The following PLA2G4C variants were observed in gnomAD, a reference collection of about 807,000 sequenced individuals.
PLA2G4C encodes phospholipase A2 group IVC.
PLA2G4C carries 64 observed loss-of-function variants against 73.8 expected under a neutral mutation model. The observed-to-expected ratio is 0.87, with a 90% CI of 0.71 to 1.07. The LOEUF (loss-of-function observed/expected upper bound fraction) is 1.07, where lower values mean the gene tolerates loss of function less well. Among genes scored for constraint, PLA2G4C ranks in the 50% least tolerant of loss-of-function variants. The pLI, the probability that PLA2G4C is intolerant of heterozygous loss-of-function variation, is 0.00. For missense variants in PLA2G4C, 622 were observed against 665.4 expected, an observed-to-expected ratio of 0.93 and a Z score of 0.72; for synonymous variants, 254 against 252.1, an observed-to-expected ratio of 1.01 and a Z score of -0.07.
At position 48,072,108 on chromosome 19, in the gene PLA2G4C, C is replaced by T. The variant is rs1351817920; in HGVS notation, c.1006+2659G>A. 4.6e-5 allele frequency among the ~76,000 whole-genome samples: 7 copies of T among 151,842 alleles called. No homozygotes were observed. Among genetic ancestry groups the T allele is most frequent in the East Asian group, 3.9e-4 (2 of 5,162 alleles). On this transcript the variant is annotated intron_variant, in intron 12 of 16. Coordinates refer to ENST00000599921, the MANE Select transcript of PLA2G4C (RefSeq NM_003706.3). The surrounding 1 kb of genome is among the most constrained non-coding windows in gnomAD (Gnocchi z 4.4). Reference sequence around the variant, plus strand: ...TTGCAGTGAGCCAAGATTGCACCACCGCACTCCAGCTTGGGTGACAGAGCG... The same window carrying T: ...TTGCAGTGAGCCAAGATTGCACCACTGCACTCCAGCTTGGGTGACAGAGCG...
intron 16 of PLA2G4C, chr19:48,051,956 T>A (rs1049019415): frequency 1.3e-5 from 2 of 149,384 alleles, no homozygotes; most frequent in African/African-American, 5.0e-5. Context: ...CATAGCTCAC[T>A]GCAGCCTCAA....
At chr19:48,085,573 A>G (rs2030924880) in intron 9 of PLA2G4C, among the ~76,000 whole-genome samples, 3 of 152,192 alleles carry the variant, frequency 2.0e-5, no homozygotes, top group African/African-American at 7.2e-5. Flanking sequence ...GATTAGAGGC[A>G]TTGCTGGCAT....
In PLA2G4C at chr19:48,074,772, C is replaced by T; in HGVS notation, c.1001G>A (p.Arg334Lys). ...TATCACACTACACATGGTACCTTTC[C>T]TTTCGGGGTCCTCATGGGGCTGCTC... The part of the protein sequence containing the change: ...KQEQPHEDPE[R>K]KGSLSNLMDF... The change falls in exon 12 of 17, where the codon AGG (arginine) becomes AAG (lysine). Residue 334 changes from arginine to lysine, a missense_variant. Physicochemically the swap from Arg to Lys is conservative, Grantham distance 26. Coordinates refer to ENST00000599921, the MANE Select transcript of PLA2G4C (RefSeq NM_003706.3). 2 of 1,608,528 alleles carry T rather than the reference C, an allele frequency of 1.2e-6. No individual in the cohort carries two copies. Among genetic ancestry groups the T allele is most frequent in the Non-Finnish European group, 1.7e-6 (2 of 1,174,992 alleles).
At chr19:48,094,076 C>T (rs868115286) in intron 7 of PLA2G4C, among the ~76,000 whole-genome samples, 25 of 152,070 alleles carry the variant, frequency 1.6e-4, no homozygotes, top group African/African-American at 4.8e-4. Context: ...AGTATGAAAA[C>T]GGACTAATAC....
At chr19:48,080,151 G>A (rs79675917) in intron 10 of PLA2G4C, among the ~76,000 whole-genome samples, 6,213 of 151,474 alleles carry the variant, frequency 0.041, 417 homozygotes, top group African/African-American at 0.14. Flanking sequence ...TAATCCCACC[G>A]AAAAGCATCC....
At chr19:48,105,576 T>A (rs1374900573) in intron 2 of PLA2G4C, 132 bp from the exon 3 acceptor site, 103 of 653,318 alleles carry the variant, frequency 1.6e-4, no homozygotes, top group Non-Finnish European at 1.6e-5. Flanking sequence ...CCTTTTGGGG[T>A]GAGGAAAATA....
At chr19:48,092,136 G>A (rs763833298) in intron 7 of PLA2G4C, among the ~76,000 whole-genome samples, 2 of 151,680 alleles carry the variant, frequency 1.3e-5, no homozygotes, top group East Asian at 1.9e-4. Flanking sequence ...TGCAGCTTCC[G>A]CCTCTCGAGA....
intron 5 of PLA2G4C, among the ~76,000 whole-genome samples, chr19:48,099,405 T>C (rs1171580701): frequency 6.6e-6 from 1 of 152,258 alleles, no homozygotes; most frequent in Non-Finnish European, 1.5e-5. Flanking sequence ...ATTGTTCTTC[T>C]TGCCCTGGAT....
In PLA2G4C at chr19:48,090,377, C is replaced by T; in HGVS notation, c.750G>A (p.Arg250=). The change falls in exon 8 of 17, where the codon AGG becomes AGA. Residue 250 remains arginine (R), a synonymous_variant. Transcript: ENST00000599921. The part of the protein sequence containing the change: ...GSALGNTEVI[R]EYIFDQLRNL... ...CCAAATACTCACCAAAAATGTATTC[C>T]CTAATGACTTCAGTGTTACCAAGAG... The T allele has an allele frequency of 6.2e-7, 1 of 1,611,620 alleles. No individual in the cohort carries two copies.
At chr19:48,107,882 C>T (rs1488664112) in intron 1 of PLA2G4C, among the ~76,000 whole-genome samples, 1 of 152,162 alleles carries the variant, frequency 6.6e-6, no homozygotes, top group Non-Finnish European at 1.5e-5. Flanking sequence ...ATGACATAAG[C>T]TATCCTCTCT....
intron 12 of PLA2G4C, among the ~76,000 whole-genome samples, chr19:48,069,334 G>A (rs1968570785): frequency 1.3e-5 from 2 of 152,152 alleles, no homozygotes; most frequent in Non-Finnish European, 2.9e-5. Context: ...GTTCATGGGG[G>A]AGAACGACGC....
intron 6 of PLA2G4C, chr19:48,096,971 C>G (rs913187400): frequency 2.6e-5 from 4 of 151,996 alleles, no homozygotes; most frequent in African/African-American, 9.7e-5. Context: ...GCCTGACCAA[C>G]AGGGAGAAAC....
At chr19:48,081,743 G>A (rs991967185) in intron 10 of PLA2G4C, among the ~76,000 whole-genome samples, 1 of 139,936 alleles carries the variant, frequency 7.1e-6, no homozygotes, top group African/African-American at 2.7e-5. Context: ...TGGGCAACAA[G>A]AGTGAAATTC....
At chr19:48,068,561 G>T (rs1192453415) in intron 12 of PLA2G4C, among the ~76,000 whole-genome samples, 3 of 151,838 alleles carry the variant, frequency 2.0e-5, no homozygotes, top group Non-Finnish European at 4.4e-5. Flanking sequence ...GCATATTAAT[G>T]CATGCCTGTG....
At chr19:48,062,345 T>A in intron 13 of PLA2G4C, 193 bp from the exon 14 acceptor site, 1 of 492,828 alleles carries the variant, frequency 2.0e-6, no homozygotes. Context: ...GTGCGGTGCC[T>A]CACACCTGAA....
chr19:48,082,496 C>CTTTTTTTTTTTTTTTTTTTTTTTTTTCT (rs66641645), intron 10 of PLA2G4C, among the ~76,000 whole-genome samples: 2 of 106,280 alleles, frequency 1.9e-5, no homozygotes, highest in Non-Finnish European at 3.5e-5. Context: ...TTCTTTCTTT[C>CTTTTTTTTTTTTTTTTTTTTTTTTTTCT]TTTTTTTTTT....
chr19:48,057,224 G>T (rs1407244176), intron 14 of PLA2G4C, among the ~76,000 whole-genome samples: 1 of 152,078 alleles, frequency 6.6e-6, no homozygotes, highest in Non-Finnish European at 1.5e-5. Flanking sequence ...CAAGAAAAAG[G>T]GCATTTCTCC....
intron 11 of PLA2G4C, among the ~76,000 whole-genome samples, chr19:48,075,793 G>A (rs749827849): frequency 2.6e-5 from 4 of 151,820 alleles, no homozygotes; most frequent in Non-Finnish European, 4.4e-5. Flanking sequence ...TTTTGTTGTT[G>A]TTGTTGTTGA....
At chr19:48,090,653 T>A in intron 7 of PLA2G4C, 1 of 513,926 alleles carries the variant, frequency 1.9e-6, no homozygotes. Context: ...ACGAACCTTC[T>A]ATGGGTGGAG....
Sources: allele counts gnomAD v4.1 joint callset (sites outside exome capture counted in the v4.1 genomes callset), GRCh38; gene constraint gnomAD v4.1.1; non-coding constraint Gnocchi (gnomAD v3.1); transcripts MANE v1.5; gene names NCBI Gene and HGNC (gene_info 2026-07-23, HGNC 2026-07-21).